Variants in TNIK observed in about 807,000 individuals in gnomAD.
TNIK encodes TRAF2 and NCK interacting kinase, also known as TRAF2 and NCK-interacting protein kinase.
In TNIK, 49 loss-of-function variants were observed where a neutral mutation model predicts 191.3. The ratio of observed to expected loss-of-function variants is 0.26; its 90% confidence interval spans 0.20 to 0.32. The LOEUF is 0.32. TNIK is among the 10% of genes least tolerant of loss of function. The pLI is 1.00. For synonymous variants in TNIK, 594 were observed against 600.9 expected (o/e 0.99, Z 0.17); for missense variants, 1,155 against 1,702.3 (o/e 0.68, Z 5.66).
chr3:171,260,683 G>T (rs1416131785), intron 2 of TNIK, among the ~76,000 whole-genome samples: 3 of 152,154 alleles, frequency 2.0e-5, no homozygotes, highest in Non-Finnish European at 4.4e-5. Flanking sequence ...CCAATGAGTT[G>T]TTTTTAGCTA....
chr3:171,423,191 G>T (rs1202366255), intron 1 of TNIK, among the ~76,000 whole-genome samples: 1 of 152,124 alleles, frequency 6.6e-6, no homozygotes, highest in African/African-American at 2.4e-5. Flanking sequence ...ACCAATAACG[G>T]ACAAACAGAG....
chr3:171,068,066 A>G (rs1280967671), intron 30 of TNIK, among the ~76,000 whole-genome samples: 1 of 152,206 alleles, frequency 6.6e-6, no homozygotes, highest in Non-Finnish European at 1.5e-5. Context: ...CCTGTGTGTT[A>G]GTCTTGGGAT....
chr3:171,368,230 A>C (rs1477108662), intron 2 of TNIK, among the ~76,000 whole-genome samples: 3 of 152,224 alleles, frequency 2.0e-5, no homozygotes, highest in Admixed American at 6.5e-5. Context: ...GGGAAACATA[A>C]TGAAACGGAA....
rs565859910 is a variant in TNIK at position 171,205,401 on chromosome 3, C to T, written c.306+5715G>A. Among the ~76,000 whole-genome samples, 17 of 152,314 alleles carry T rather than the reference C, an allele frequency of 1.1e-4. No individual in the cohort carries two copies. In the South Asian group the frequency reaches 2.3e-3, roughly 20 times the overall value. ...GCCCTCTGCATAGACGCGAGTCTGA[C>T]GAGTGCTAGGCCCTTTGTCCTTCAA... On this transcript the variant is annotated intron_variant, in intron 4 of 32. Coordinates refer to ENST00000436636, the MANE Select transcript of TNIK (RefSeq NM_015028.4).
chr3:171,346,976 T>G, intron 2 of TNIK: 1 of 601,378 alleles, frequency 1.7e-6, no homozygotes, highest in Non-Finnish European at 2.8e-6. Flanking sequence ...GGCTGCACAG[T>G]AGGAATGTAG....
intron 2 of TNIK, among the ~76,000 whole-genome samples, chr3:171,278,499 T>A (rs1227834382): frequency 2.0e-5 from 3 of 152,134 alleles, no homozygotes; most frequent in Non-Finnish European, 4.4e-5. Flanking sequence ...AAAAAAAATT[T>A]AAAAACATAA....
chr3:171,379,378 C>G (rs1185172315), intron 1 of TNIK, among the ~76,000 whole-genome samples: 3 of 152,144 alleles, frequency 2.0e-5, no homozygotes. Flanking sequence ...GTAACACTGA[C>G]TTGAATATTT....
At chr3:171,280,565 T>C (rs1018720982) in intron 2 of TNIK, among the ~76,000 whole-genome samples, 2 of 152,150 alleles carry the variant, frequency 1.3e-5, no homozygotes, top group African/African-American at 2.4e-5. Flanking sequence ...TTTACAGATG[T>C]TTCAAATCTT....
At chr3:171,228,447 T>C (rs1743211680) in intron 2 of TNIK, among the ~76,000 whole-genome samples, 1 of 152,136 alleles carries the variant, frequency 6.6e-6, no homozygotes, top group Non-Finnish European at 1.5e-5. Flanking sequence ...AAATAAAAAA[T>C]GCAATGTTGA....
chr3:171,123,391 A>T (rs1034399997), intron 18 of TNIK, among the ~76,000 whole-genome samples: 4 of 152,250 alleles, frequency 2.6e-5, no homozygotes, highest in Non-Finnish European at 5.9e-5. Flanking sequence ...TAATTTATTC[A>T]TGAGCCCCCC....
At chr3:171,452,045 T>C (rs939709778) in intron 1 of TNIK, among the ~76,000 whole-genome samples, 11 of 152,182 alleles carry the variant, frequency 7.2e-5, no homozygotes, top group African/African-American at 2.4e-4. Flanking sequence ...TTTCACTAAC[T>C]AGAGAGACAG....
chr3:171,079,451 A>C, intron 28 of TNIK, 67 bp downstream of exon 28: 1 of 1,542,070 alleles, frequency 6.5e-7, no homozygotes, highest in Non-Finnish European at 8.8e-7. Context: ...AAACTAGGTG[A>C]AACCTAACTA....
At chr3:171,206,811 T>G (rs1740152189) in intron 4 of TNIK, among the ~76,000 whole-genome samples, 1 of 152,134 alleles carries the variant, frequency 6.6e-6, no homozygotes, top group South Asian at 2.1e-4. Flanking sequence ...AGTCAAGCCC[T>G]ATTAACCACC....
chr3:171,177,608 T>C (rs976931142), intron 7 of TNIK, among the ~76,000 whole-genome samples: 1 of 152,224 alleles, frequency 6.6e-6, no homozygotes, highest in African/African-American at 2.4e-5. Context: ...AAAATGAATA[T>C]AAACAATTTT....
At chr3:171,151,136 G>A (rs1461109354) in intron 12 of TNIK, among the ~76,000 whole-genome samples, 1 of 152,232 alleles carries the variant, frequency 6.6e-6, no homozygotes, top group Non-Finnish European at 1.5e-5. Context: ...ATGTAAGGAA[G>A]CTGAGGTTCA....
intron 1 of TNIK, among the ~76,000 whole-genome samples, chr3:171,389,097 T>C (rs904805938): frequency 6.6e-6 from 1 of 152,152 alleles, no homozygotes; most frequent in Non-Finnish European, 1.5e-5. Context: ...AAGAGAAACC[T>C]GAGGCCCCAA....
intron 9 of TNIK, among the ~76,000 whole-genome samples, chr3:171,168,705 G>A (rs1245116129): frequency 1.3e-5 from 2 of 152,184 alleles, no homozygotes; most frequent in African/African-American, 4.8e-5. Context: ...CCACACTGTG[G>A]ACTAGAAATA....
At chr3:171,335,971 G>A (rs1756914789) in intron 2 of TNIK, among the ~76,000 whole-genome samples, 1 of 152,146 alleles carries the variant, frequency 6.6e-6, no homozygotes, top group South Asian at 2.1e-4. Flanking sequence ...TAGTCATACA[G>A]TGCGTAGTGT....
chr3:171,440,862 C>T (rs1277844268), intron 1 of TNIK, among the ~76,000 whole-genome samples: 1 of 152,090 alleles, frequency 6.6e-6, no homozygotes, highest in Non-Finnish European at 1.5e-5. Context: ...ATTAAGAAAA[C>T]AGAAAGAGTT....
Sources: gnomAD v4.1 joint callset for allele counts (sites outside exome capture counted in the v4.1 genomes callset) on GRCh38, gnomAD v4.1.1 for gene constraint, MANE v1.5 for transcripts, NCBI Gene and HGNC (gene_info 2026-07-23, HGNC 2026-07-21) for gene names.